The following CDH13 variants were observed in gnomAD, a reference collection of about 807,000 sequenced individuals.
CDH13 encodes cadherin-13.
CDH13 carries 24 observed loss-of-function variants against 63.8 expected under a neutral mutation model. The ratio of observed to expected loss-of-function variants is 0.38; its 90% CI spans 0.27 to 0.53. The LOEUF (loss-of-function observed/expected upper bound fraction) is 0.53. Ranked by LOEUF, CDH13 falls within the 20% of genes least tolerant of loss-of-function variation. CDH13 has a pLI of 0.85. For synonymous variants in CDH13, 503 were observed against 355.3 expected (o/e 1.42, Z -4.67); for missense variants, 1,049 against 903.1 (o/e 1.16, Z -2.07).
intron 6 of CDH13, among the ~76,000 whole-genome samples, chr16:83,359,164 A>G (rs1440039194): frequency 6.6e-6 from 1 of 152,158 alleles, no homozygotes; most frequent in African/African-American, 2.4e-5. Context: ...TATTCTGACA[A>G]GGGTACAGCA....
chr16:83,680,060 C>T (rs1228887715), intron 10 of CDH13, among the ~76,000 whole-genome samples: 1 of 152,178 alleles, frequency 6.6e-6, no homozygotes, highest in Non-Finnish European at 1.5e-5. Context: ...AAAGAACGTG[C>T]TGGAGGACCC....
intron 2 of CDH13, among the ~76,000 whole-genome samples, chr16:82,913,235 A>G (rs748801327): frequency 6.6e-6 from 1 of 152,108 alleles, no homozygotes; most frequent in Non-Finnish European, 1.5e-5. Context: ...TATTTTTTCC[A>G]AAGGGCAGGT....
At chr16:83,436,783 A>C (rs983068155) in intron 6 of CDH13, among the ~76,000 whole-genome samples, 16 of 152,230 alleles carry the variant, frequency 1.1e-4, no homozygotes, top group African/African-American at 3.9e-4. Context: ...GAGGTTTTCA[A>C]GGTCTGCTGT....
chr16:83,051,971 TAATTCTCTCATGTCATGTGGA>T (rs1435497645), intron 3 of CDH13, among the ~76,000 whole-genome samples: 3 of 152,210 alleles, frequency 2.0e-5, no homozygotes, highest in Non-Finnish European at 2.9e-5. Context: ...TTGTTAACAT[TAATTCTCTCATGTCATGTGGA>T]AATGAGAATA....
At chr16:83,104,600 A>G (rs1385402119) in intron 3 of CDH13, among the ~76,000 whole-genome samples, 1 of 151,992 alleles carries the variant, frequency 6.6e-6, no homozygotes, top group Non-Finnish European at 1.5e-5. Context: ...GCTTCAGTGA[A>G]AGAAGAAATG....
intron 1 of CDH13, among the ~76,000 whole-genome samples, chr16:82,745,640 C>T (rs1016624572): frequency 2.6e-5 from 4 of 151,694 alleles, no homozygotes; most frequent in African/African-American, 7.3e-5. Context: ...TATGTGGTTC[C>T]ATCATACATC....
intron 2 of CDH13, among the ~76,000 whole-genome samples, chr16:82,982,465 C>T (rs373757245): frequency 3.3e-5 from 5 of 152,290 alleles, no homozygotes; most frequent in East Asian, 1.9e-4. Flanking sequence ...AGAGCCATAG[C>T]GGAGAATCTG....
At chr16:83,280,638 A>G (rs114807857) in intron 5 of CDH13, among the ~76,000 whole-genome samples, 1 of 152,186 alleles carries the variant, frequency 6.6e-6, no homozygotes, top group Non-Finnish European at 1.5e-5. Flanking sequence ...TTTTCAGTTT[A>G]CTTTGCCCAG....
intron 4 of CDH13, among the ~76,000 whole-genome samples, chr16:83,208,093 A>G (rs1232975175): frequency 2.0e-5 from 3 of 152,096 alleles, no homozygotes; most frequent in Non-Finnish European, 2.9e-5. Flanking sequence ...TTGGTGATGA[A>G]CACAGACAGC....
intron 10 of CDH13, among the ~76,000 whole-genome samples, chr16:83,731,492 A>C (rs1911040432): frequency 1.3e-5 from 2 of 152,122 alleles, no homozygotes. Flanking sequence ...CATGTCTTTG[A>C]CCATTTTGTA....
At chr16:82,946,801 C>T (rs985722288) in intron 2 of CDH13, among the ~76,000 whole-genome samples, 3 of 152,044 alleles carry the variant, frequency 2.0e-5, no homozygotes, top group Non-Finnish European at 4.4e-5. Flanking sequence ...GGTTCACTAA[C>T]ATAAATACAT....
At chr16:82,687,291 G>C (rs1265086052) in intron 1 of CDH13, among the ~76,000 whole-genome samples, 1 of 152,052 alleles carries the variant, frequency 6.6e-6, no homozygotes, top group African/African-American at 2.4e-5. Context: ...ATACTGGGTG[G>C]TGGTGGGGTT....
chr16:83,300,742 A>T (rs376072403), intron 5 of CDH13, among the ~76,000 whole-genome samples: 1 of 152,236 alleles, frequency 6.6e-6, no homozygotes, highest in African/African-American at 2.4e-5. Context: ...AAGGTTATAG[A>T]TCATGATTTA....
intron 7 of CDH13, among the ~76,000 whole-genome samples, chr16:83,499,614 T>C (rs1271742688): frequency 6.6e-6 from 1 of 152,258 alleles, no homozygotes; most frequent in Admixed American, 6.5e-5. Context: ...TGGTTAAAAC[T>C]ATGCCTTGGT....
chr16:83,120,776 T>TTTTTTTTTTTC (rs2035534030), intron 3 of CDH13, among the ~76,000 whole-genome samples: 1 of 50,106 alleles, frequency 2.0e-5, no homozygotes, highest in Non-Finnish European at 5.5e-5. Flanking sequence ...TTTTTTTTTT[T>TTTTTTTTTTTC]TTTCTGAGAT....
intron 7 of CDH13, among the ~76,000 whole-genome samples, chr16:83,575,860 A>G (rs1207526848): frequency 6.6e-6 from 1 of 152,212 alleles, no homozygotes; most frequent in African/African-American, 2.4e-5. Flanking sequence ...AAGGTCCAGG[A>G]CTATTTCACT....
chr16:82,721,149 G>A (rs2032745529), intron 1 of CDH13, among the ~76,000 whole-genome samples: 1 of 152,120 alleles, frequency 6.6e-6, no homozygotes, highest in African/African-American at 2.4e-5. Context: ...AACATTCATT[G>A]AGCACCTACA....
intron 1 of CDH13, among the ~76,000 whole-genome samples, chr16:82,640,236 G>A (rs17261378): frequency 0.048 from 7,350 of 152,278 alleles, 258 homozygotes; most frequent in Middle Eastern, 0.12. Context: ...TGATGGAATG[G>A]CCTTTCTATA....
At chr16:83,739,193 G>A (rs1911824642) in intron 10 of CDH13, among the ~76,000 whole-genome samples, 1 of 151,988 alleles carries the variant, frequency 6.6e-6, no homozygotes, top group Non-Finnish European at 1.5e-5. Context: ...CTGAATATCT[G>A]TTTTCCCCCT....
Sources: gnomAD v4.1 joint callset for allele counts (sites outside exome capture counted in the v4.1 genomes callset) on GRCh38, gnomAD v4.1.1 for gene constraint, MANE v1.5 for transcripts, NCBI Gene and HGNC (gene_info 2026-07-23, HGNC 2026-07-21) for gene names.